Variants in GPR158 observed in about 807,000 individuals in gnomAD.
GPR158 encodes the protein metabotropic glycine receptor.
In GPR158, 30 loss-of-function variants were observed where a neutral mutation model predicts 78.2. The ratio of observed to expected loss-of-function variants is 0.38; its 90% CI spans 0.29 to 0.52. GPR158 has a LOEUF of 0.52. GPR158 is among the 20% of genes least tolerant of loss of function. The pLI is 0.83. For synonymous variants in GPR158, 581 were observed against 591.1 expected, an observed-to-expected ratio of 0.98 and a Z score of 0.25; for missense variants, 1,463 against 1,523.5, an observed-to-expected ratio of 0.96 and a Z score of 0.66.
chr10:25,259,789 C>T (rs1588763440), intron 2 of GPR158, among the ~76,000 whole-genome samples: 1 of 152,004 alleles, frequency 6.6e-6, no homozygotes, highest in African/African-American at 2.4e-5. Flanking sequence ...TTCTTTAATG[C>T]CTTGCACATC....
chr10:25,309,110 A>T (rs1417352212), intron 2 of GPR158, among the ~76,000 whole-genome samples: 1 of 152,136 alleles, frequency 6.6e-6, no homozygotes, highest in African/African-American at 2.4e-5. Flanking sequence ...GCCTATTTTT[A>T]GGCTTTTGAG....
intron 4 of GPR158, among the ~76,000 whole-genome samples, chr10:25,436,518 G>A: frequency 6.6e-6 from 1 of 152,228 alleles, no homozygotes; most frequent in East Asian, 1.9e-4. Context: ...TTGAATTAAA[G>A]TAGAATGCAA....
rs958916313 is a variant in GPR158, at chr10:25,344,527, A to G, written c.1009-51384A>G. 3.3e-5 allele frequency among the ~76,000 whole-genome samples: 5 copies of G among 152,110 alleles called. No individual in the cohort carries two copies. In the South Asian group the frequency reaches 8.3e-4, roughly 25 times the overall value. Reference sequence around the variant, plus strand: ...CTTGAGTTTAAAAAAAAGAGGTTATAGAATCTAAGGCCCTATCTGCATTAT... The same window carrying G: ...CTTGAGTTTAAAAAAAAGAGGTTATGGAATCTAAGGCCCTATCTGCATTAT... On this transcript the variant is annotated intron_variant, in intron 2 of 10. Transcript: ENST00000376351.
chr10:25,467,952 G>A (rs1004185530), intron 5 of GPR158, among the ~76,000 whole-genome samples: 20 of 152,052 alleles, frequency 1.3e-4, no homozygotes, highest in African/African-American at 4.8e-4. Flanking sequence ...CTTGCTGTCT[G>A]TTGATGTACA....
chr10:25,568,268 G>A lies in GPR158; in HGVS notation c.1515-4381G>A, dbSNP rs113741000. On this transcript the variant is annotated intron_variant, in intron 6 of 10. Coordinates refer to ENST00000376351, the MANE Select transcript of GPR158 (RefSeq NM_020752.3). Reference sequence around the variant, plus strand: ...GCTGGCATATAGATAACTGAGATGGGGAGCCGTTGGAGTTTCTTGGGTGCA... The same window carrying A: ...GCTGGCATATAGATAACTGAGATGGAGAGCCGTTGGAGTTTCTTGGGTGCA... Among the ~76,000 whole-genome samples, 993 of 152,230 alleles carry A rather than the reference G, an allele frequency of 6.5e-3. 15 individuals carry two copies. Among genetic ancestry groups the A allele is most frequent in the African/African-American group, 0.022 (925 of 41,554 alleles).
intron 3 of GPR158, among the ~76,000 whole-genome samples, chr10:25,405,983 T>A (rs192756160): frequency 6.6e-6 from 1 of 152,250 alleles, no homozygotes; most frequent in Non-Finnish European, 1.5e-5. Context: ...CTATTCTATA[T>A]GAATGCTGCC....
chr10:25,590,209 A>G (rs1409056029), intron 8 of GPR158, among the ~76,000 whole-genome samples: 3 of 152,122 alleles, frequency 2.0e-5, no homozygotes, highest in African/African-American at 7.2e-5. Flanking sequence ...AGTGGGCCTC[A>G]GTTACAGCCT....
At chr10:25,243,974 C>A (rs1378606518) in intron 2 of GPR158, 1 of 152,030 alleles carries the variant, frequency 6.6e-6, no homozygotes, top group Non-Finnish European at 1.5e-5. Context: ...ACAGGAAATG[C>A]TATATAATAT....
intron 4 of GPR158, among the ~76,000 whole-genome samples, chr10:25,413,316 G>C (rs1352056242): frequency 6.6e-6 from 1 of 152,196 alleles, no homozygotes. Context: ...GGCTGACAGA[G>C]TGAGACCCTG....
At chr10:25,270,481 A>G (rs1854103642) in intron 2 of GPR158, among the ~76,000 whole-genome samples, 2 of 152,192 alleles carry the variant, frequency 1.3e-5, no homozygotes, top group Admixed American at 1.3e-4. Flanking sequence ...AAGCCAGGCA[A>G]CAAAGCAAAT....
rs1027204341 is a variant in GPR158, at chr10:25,192,788, A to T, written c.902+16466A>T. On this transcript the variant is annotated intron_variant, in intron 1 of 10. Transcript: ENST00000376351. ...ATAAAAAAAAGGTAGAAAAATGATAAAAAAAAATAAAAATCGAATTCATCA... is the reference window on the plus strand; with the variant it reads ...ATAAAAAAAAGGTAGAAAAATGATATAAAAAAATAAAAATCGAATTCATCA... Among the ~76,000 whole-genome samples the T allele has an allele frequency of 6.0e-5, 9 of 148,794 alleles. No individual in the cohort carries two copies. In the South Asian group the frequency reaches 8.4e-4, roughly 14 times the overall value.
chr10:25,211,241 T>A (rs930830173), intron 1 of GPR158, among the ~76,000 whole-genome samples: 1 of 152,214 alleles, frequency 6.6e-6, no homozygotes, highest in South Asian at 2.1e-4. Context: ...GTTGTCTCAG[T>A]GTGTTTTGTG....
At chr10:25,478,493 CGTGTGTGTGTGTGTGTGT>C (rs71399974) in intron 5 of GPR158, among the ~76,000 whole-genome samples, 4 of 145,190 alleles carry the variant, frequency 2.8e-5, no homozygotes, top group East Asian at 2.0e-4. Flanking sequence ...ATATATAATG[CGTGTGTGTGTGTGTGTGT>C]GTGTGTGTGT....
At chr10:25,234,103 A>C (rs904704531) in intron 2 of GPR158, among the ~76,000 whole-genome samples, 1 of 152,192 alleles carries the variant, frequency 6.6e-6, no homozygotes, top group Non-Finnish European at 1.5e-5. Context: ...AATTTTCAAG[A>C]GTGTAAAGGG....
At chr10:25,235,497 C>CT (rs1243990780) in intron 2 of GPR158, among the ~76,000 whole-genome samples, 1 of 149,994 alleles carries the variant, frequency 6.7e-6, no homozygotes, top group Non-Finnish European at 1.5e-5. Context: ...TTTTGCAATA[C>CT]TATCTGTTTT....
intron 2 of GPR158, among the ~76,000 whole-genome samples, chr10:25,392,405 G>T (rs1031329088): frequency 6.6e-6 from 1 of 152,218 alleles, no homozygotes; most frequent in African/African-American, 2.4e-5. Context: ...AGCCTTCCAG[G>T]CTGAGTGGGC....
intron 1 of GPR158, among the ~76,000 whole-genome samples, chr10:25,190,247 A>T (rs1323065826): frequency 2.0e-5 from 3 of 152,174 alleles, no homozygotes; most frequent in Non-Finnish European, 4.4e-5. Flanking sequence ...TTATTGATTC[A>T]ACTAGAAGTT....
At chr10:25,203,690 A>C (rs1316893200) in intron 1 of GPR158, among the ~76,000 whole-genome samples, 1 of 145,072 alleles carries the variant, frequency 6.9e-6, no homozygotes. Context: ...AGGTAGTGTG[A>C]TGCCTCCAGC....
intron 2 of GPR158, among the ~76,000 whole-genome samples, chr10:25,323,550 A>T (rs1366192595): frequency 6.6e-6 from 1 of 150,554 alleles, no homozygotes; most frequent in Non-Finnish European, 1.5e-5. Flanking sequence ...TTTGAGAAAC[A>T]TGGTCTTGCT....
Sources: allele counts gnomAD v4.1 joint callset (sites outside exome capture counted in the v4.1 genomes callset), GRCh38; gene constraint gnomAD v4.1.1; transcripts MANE v1.5; gene names NCBI Gene and HGNC (gene_info 2026-07-23, HGNC 2026-07-21).